The following FAF1 variants were observed in gnomAD, a reference collection of about 807,000 sequenced individuals.
FAF1 encodes Fas associated factor 1.
In FAF1, 25 loss-of-function variants were observed where a neutral mutation model predicts 92.5. The observed-to-expected ratio is 0.27, with a 90% confidence interval of 0.20 to 0.38. FAF1 has a LOEUF of 0.38. Ranked by LOEUF, FAF1 falls within the 10% of genes least tolerant of loss-of-function variation. The pLI is 1.00. For synonymous variants in FAF1, 234 were observed against 273.2 expected (o/e 0.86, Z 1.42); for missense variants, 636 against 793.3 (o/e 0.80, Z 2.38).
chr1:50,653,065 C>A (rs1249666606), intron 8 of FAF1, among the ~76,000 whole-genome samples: 1 of 152,000 alleles, frequency 6.6e-6, no homozygotes, highest in African/African-American at 2.4e-5. Context: ...TTTCTTCATG[C>A]CTCCTCAGGT....
chr1:50,678,796 A>AAG (rs1656274521), intron 7 of FAF1, among the ~76,000 whole-genome samples: 1 of 147,082 alleles, frequency 6.8e-6, no homozygotes, highest in Non-Finnish European at 1.5e-5. Context: ...AAAAAAAAAA[A>AAG]AAAAAAAAGG....
chr1:50,800,408 A>AGG (rs1661942855), intron 3 of FAF1, among the ~76,000 whole-genome samples: 1 of 152,198 alleles, frequency 6.6e-6, no homozygotes, highest in Non-Finnish European at 1.5e-5. Context: ...TAAGAAAAAA[A>AGG]TAGCCATAAA....
chr1:50,663,663 A>G (rs1329665601), intron 7 of FAF1, among the ~76,000 whole-genome samples: 1 of 151,530 alleles, frequency 6.6e-6, no homozygotes, highest in Non-Finnish European at 1.5e-5. Flanking sequence ...CTGGCCTCCC[A>G]AAGTGCTAGG....
intron 1 of FAF1, among the ~76,000 whole-genome samples, chr1:50,884,415 C>T (rs2124692002): frequency 6.6e-6 from 1 of 151,608 alleles, no homozygotes; most frequent in East Asian, 1.9e-4. Context: ...GCAGTCCCAG[C>T]TACTCGCGAT....
intron 12 of FAF1, among the ~76,000 whole-genome samples, chr1:50,577,640 T>C (rs114386426): frequency 0.014 from 2,139 of 152,326 alleles, 27 homozygotes; most frequent in Non-Finnish European, 0.021. Flanking sequence ...ATGGATTGTT[T>C]ATATTGTTTT....
chr1:50,931,465 G>A (rs1478933906), intron 1 of FAF1, among the ~76,000 whole-genome samples: 5 of 152,154 alleles, frequency 3.3e-5, no homozygotes, highest in Admixed American at 1.3e-4. Context: ...CATGACAGGA[G>A]GTGAAAGGCA....
At chr1:50,640,829 AT>A (rs71059592) in intron 8 of FAF1, among the ~76,000 whole-genome samples, 21 of 88,514 alleles carry the variant, frequency 2.4e-4, no homozygotes, top group Admixed American at 5.0e-4. Flanking sequence ...TTATCAGCTG[AT>A]TTTTTTTTTT....
Position 50,818,113 on chromosome 1 carries a change from T to C in FAF1, c.115-16436A>G, listed in dbSNP as rs139183458. On this transcript the variant is annotated intron_variant, in intron 2 of 18. Transcript: ENST00000396153. ...AGGTGCACGTATCTGTCAAAACTTATCAAATTTTACAGTGGAAATGAGTTT... is the reference window on the plus strand; with the variant it reads ...AGGTGCACGTATCTGTCAAAACTTACCAAATTTTACAGTGGAAATGAGTTT... 2.0e-3 allele frequency among the ~76,000 whole-genome samples: 312 copies of C among 152,308 alleles called. 1 individual carries two copies. Among genetic ancestry groups the C allele is most frequent in the African/African-American group, 6.8e-3 (282 of 41,564 alleles).
At chr1:50,543,600 C>T (rs934176451) in intron 13 of FAF1, among the ~76,000 whole-genome samples, 1 of 152,120 alleles carries the variant, frequency 6.6e-6, no homozygotes, top group African/African-American at 2.4e-5. Flanking sequence ...CGCTATTTTA[C>T]TATTATTAAA....
At chr1:50,736,141 A>G (rs1051435030) in intron 6 of FAF1, among the ~76,000 whole-genome samples, 55 of 152,354 alleles carry the variant, frequency 3.6e-4, no homozygotes, top group African/African-American at 1.3e-3. Flanking sequence ...ATATACGCCA[A>G]TGCAATAATA....
chr1:50,904,769 T>C (rs1404476069), intron 1 of FAF1, among the ~76,000 whole-genome samples: 3 of 152,160 alleles, frequency 2.0e-5, no homozygotes, highest in Middle Eastern at 3.2e-3. Flanking sequence ...TGAGCAAAGA[T>C]GAACTGCCAG....
At chr1:50,644,547 G>C (rs959406118) in intron 8 of FAF1, among the ~76,000 whole-genome samples, 1 of 152,132 alleles carries the variant, frequency 6.6e-6, no homozygotes, top group African/African-American at 2.4e-5. Flanking sequence ...AAATATAGCC[G>C]CTGGAGCCTC....
chr1:50,705,828 C>T lies in FAF1; in HGVS notation c.615G>A (p.Arg205=). 1 of 1,612,264 alleles carries T rather than the reference C, an allele frequency of 6.2e-7. No individual in the cohort carries two copies. The change falls in exon 7 of 19, where the codon CGG becomes CGA. Residue 205 remains arginine (R), a synonymous_variant. Coordinates refer to ENST00000396153, the MANE Select transcript of FAF1 (RefSeq NM_007051.3). ...TTCCTGAGAAGTTCAGGTTGTACTC[C>T]CGCTGGACTTCTCGGTGGGTGATGA... The part of the protein sequence containing the change: ...MLIITHREVQ[R]EYNLNFSGSS...
intron 1 of FAF1, among the ~76,000 whole-genome samples, chr1:50,874,292 A>C (rs184243492): frequency 1.3e-5 from 2 of 152,168 alleles, no homozygotes; most frequent in Non-Finnish European, 1.5e-5. Context: ...TCTTAAACAT[A>C]AAAATAAAAC....
At chr1:50,586,582 T>C (rs560941683) in intron 9 of FAF1, among the ~76,000 whole-genome samples, 2 of 152,350 alleles carry the variant, frequency 1.3e-5, no homozygotes, top group East Asian at 3.9e-4. Flanking sequence ...AATAAATAAA[T>C]GGTCCTTCCC....
At chr1:50,860,528 C>T (rs1644423657) in intron 1 of FAF1, among the ~76,000 whole-genome samples, 1 of 151,782 alleles carries the variant, frequency 6.6e-6, no homozygotes, top group Non-Finnish European at 1.5e-5. Context: ...CAGAGAAATG[C>T]AAATCAAAAC....
chr1:50,718,726 AT>A (rs1416848783), intron 6 of FAF1, among the ~76,000 whole-genome samples: 3 of 152,064 alleles, frequency 2.0e-5, no homozygotes, highest in Non-Finnish European at 2.9e-5. Context: ...GTGGTATTGA[AT>A]TTTTCATTAA....
At chr1:50,705,947 T>C in intron 6 of FAF1, 56 bp from the exon 7 acceptor site, 1 of 1,078,052 alleles carries the variant, frequency 9.3e-7, no homozygotes, top group South Asian at 1.3e-5. Flanking sequence ...TCTAGCTTGC[T>C]TTACAGCTAG....
intron 8 of FAF1, among the ~76,000 whole-genome samples, chr1:50,644,923 A>C (rs1270436339): frequency 6.6e-6 from 1 of 152,198 alleles, no homozygotes; most frequent in Non-Finnish European, 1.5e-5. Flanking sequence ...TCTTCTTCAT[A>C]TTTACTGAGC....
Sources: gnomAD v4.1 joint callset for allele counts (sites outside exome capture counted in the v4.1 genomes callset) on GRCh38, gnomAD v4.1.1 for gene constraint, MANE v1.5 for transcripts, NCBI Gene and HGNC (gene_info 2026-07-23, HGNC 2026-07-21) for gene names.